Variants in FAM135A observed in about 807,000 individuals in gnomAD.
The protein encoded by FAM135A is protein FAM135A.
FAM135A carries 79 observed loss-of-function variants against 146.8 expected under a neutral mutation model. The observed-to-expected ratio is 0.54, with a 90% CI of 0.45 to 0.65. The LOEUF (loss-of-function observed/expected upper bound fraction) is 0.65, where lower values mean the gene tolerates loss of function less well. Ranked by LOEUF, FAM135A falls within the 30% of genes least tolerant of loss-of-function variation. FAM135A has a pLI of 0.00. For missense variants in FAM135A, 1,623 were observed against 1,758.2 expected (o/e 0.92, Z 1.38); for synonymous variants, 562 against 603.6 (o/e 0.93, Z 1.01).
chr6:70,497,789 T>C (rs1218642291), intron 11 of FAM135A, among the ~76,000 whole-genome samples: 1 of 152,252 alleles, frequency 6.6e-6, no homozygotes, highest in Non-Finnish European at 1.5e-5. Flanking sequence ...TTGATTTGCA[T>C]ATGTTGAACC....
chr6:70,426,586 A>G (rs1016566170), intron 3 of FAM135A, 54 bp downstream of exon 3: 20 of 152,352 alleles, frequency 1.3e-4, no homozygotes, highest in Admixed American at 9.8e-4. Flanking sequence ...GTATTTGCCA[A>G]ATTTCTATGA....
intron 11 of FAM135A, among the ~76,000 whole-genome samples, chr6:70,492,591 G>A (rs1786249551): frequency 1.3e-5 from 2 of 150,714 alleles, no homozygotes; most frequent in South Asian, 2.1e-4. Flanking sequence ...TTTAAAACAG[G>A]CTAATGGTCA....
chr6:70,423,848 T>G (rs1482983324), intron 2 of FAM135A, among the ~76,000 whole-genome samples: 2 of 152,178 alleles, frequency 1.3e-5, no homozygotes, highest in Non-Finnish European at 2.9e-5. Context: ...GTTGCATTAA[T>G]CCAAGCTCAC....
At chr6:70,420,844 T>C (rs1040671386) in intron 2 of FAM135A, among the ~76,000 whole-genome samples, 4 of 152,172 alleles carry the variant, frequency 2.6e-5, no homozygotes, top group Non-Finnish European at 4.4e-5. Context: ...AAATTCTTTG[T>C]ATACTTTATA....
At chr6:70,496,554 T>C (rs150262008) in intron 11 of FAM135A, among the ~76,000 whole-genome samples, 83 of 152,320 alleles carry the variant, frequency 5.4e-4, no homozygotes, top group African/African-American at 1.9e-3. Context: ...GCTTTTGGTG[T>C]TTTAGTCATG....
At chr6:70,490,203 CTT>C (rs1444732136) in intron 10 of FAM135A, among the ~76,000 whole-genome samples, 1 of 152,130 alleles carries the variant, frequency 6.6e-6, no homozygotes, top group African/African-American at 2.4e-5. Context: ...CAATTAAACT[CTT>C]TCACAACAAG....
At chr6:70,476,684 A>G (rs1212308342) in intron 7 of FAM135A, among the ~76,000 whole-genome samples, 1 of 152,192 alleles carries the variant, frequency 6.6e-6, no homozygotes, top group Non-Finnish European at 1.5e-5. Flanking sequence ...CTAAATATCT[A>G]CAATAAGATA....
At chr6:70,539,682 G>C (rs898112503) in intron 20 of FAM135A, among the ~76,000 whole-genome samples, 3 of 152,096 alleles carry the variant, frequency 2.0e-5, no homozygotes, top group African/African-American at 7.2e-5. Flanking sequence ...ATGACCTCCT[G>C]GTTATCCCAG....
chr6:70,526,837 TTGAG>T (rs1350715078), intron 15 of FAM135A, 139 bp downstream of exon 15: 17 of 800,330 alleles, frequency 2.1e-5, no homozygotes, highest in East Asian at 1.7e-4. Context: ...TGCTAAAGGA[TTGAG>T]TGTCTATTTT....
chr6:70,541,587 C>T (rs577176417), intron 20 of FAM135A, among the ~76,000 whole-genome samples: 2 of 152,154 alleles, frequency 1.3e-5, no homozygotes, highest in South Asian at 4.1e-4. Context: ...GTCTTCTGCT[C>T]TTCTCACTCT....
intron 2 of FAM135A, among the ~76,000 whole-genome samples, chr6:70,423,680 A>AAT (rs1769368667): frequency 6.6e-6 from 1 of 152,202 alleles, no homozygotes; most frequent in South Asian, 2.1e-4. Context: ...GAGGTTGGGA[A>AAT]ATATAGTCTC....
Position 70,524,429 on chromosome 6 carries a change from G to A in FAM135A, c.1345G>A (p.Val449Ile), listed in dbSNP as rs947716125. 5.2e-6 allele frequency: 8 copies of A among 1,544,626 alleles called. No individual in the cohort carries two copies. The Admixed American group carries it at 1.6e-4, about 31-fold the overall frequency. ...TAAATATGAGACTGAAGAAAGCTCT[G>A]TAGCAGGACTTTCTAGCCCAGAGTT... ...MDKYETEESS[V>I]AGLSSPELKV... Residue 449 changes from valine to isoleucine, a missense_variant, in exon 15 of 22, where the codon GTA becomes ATA. Coordinates refer to ENST00000418814, the MANE Select transcript of FAM135A (RefSeq NM_001162529.3).
intron 4 of FAM135A, among the ~76,000 whole-genome samples, chr6:70,436,745 G>T (rs1773259670): frequency 6.6e-6 from 1 of 152,126 alleles, no homozygotes; most frequent in South Asian, 2.1e-4. Context: ...AGTCTTTGAA[G>T]GATCATTATA....
chr6:70,505,916 C>T (rs1789665690), intron 12 of FAM135A, among the ~76,000 whole-genome samples: 1 of 152,054 alleles, frequency 6.6e-6, no homozygotes. Context: ...TATTAAAGGT[C>T]AATCACCTTC....
chr6:70,557,309 A>G (rs989701640), intron 21 of FAM135A: 1 of 184,664 alleles, frequency 5.4e-6, no homozygotes, highest in Non-Finnish European at 1.1e-5. Flanking sequence ...TTGGAGCCAG[A>G]AGGAAACTTG....
At chr6:70,475,381 C>G (rs577764195) in intron 5 of FAM135A, 29 bp from the exon 6 acceptor site, 1 of 1,517,232 alleles carries the variant, frequency 6.6e-7, no homozygotes, top group African/African-American at 1.4e-5. Context: ...TTACTTTTAT[C>G]TGTCAATTAC....
At chr6:70,480,529 A>G (rs9446257) in intron 8 of FAM135A, among the ~76,000 whole-genome samples, 3,829 of 152,186 alleles carry the variant, frequency 0.025, 166 homozygotes, top group African/African-American at 0.088. Context: ...TAGCATTCAT[A>G]TTTCATTAAG....
chr6:70,452,837 T>C (rs1454969550), intron 5 of FAM135A, among the ~76,000 whole-genome samples: 1 of 152,170 alleles, frequency 6.6e-6, no homozygotes, highest in Non-Finnish European at 1.5e-5. Flanking sequence ...CATTATATCA[T>C]ATAAGATGCA....
At chr6:70,483,596 C>G (rs917242229) in intron 10 of FAM135A, among the ~76,000 whole-genome samples, 1 of 152,132 alleles carries the variant, frequency 6.6e-6, no homozygotes, top group Non-Finnish European at 1.5e-5. Flanking sequence ...TTTAGGCTAT[C>G]ACTTATCCTC....
Sources: gnomAD v4.1 joint callset for allele counts (sites outside exome capture counted in the v4.1 genomes callset) on GRCh38, gnomAD v4.1.1 for gene constraint, MANE v1.5 for transcripts, NCBI Gene and HGNC (gene_info 2026-07-23, HGNC 2026-07-21) for gene names.